The following HMGN1 variants were observed in gnomAD, a reference collection of about 807,000 sequenced individuals.
HMGN1 encodes non-histone chromosomal protein HMG-14.
Under a neutral mutation model 18.4 loss-of-function variants are expected in HMGN1, and 9 were observed. That is an observed-to-expected ratio of 0.49 (90% confidence interval 0.29 to 0.85). The LOEUF (loss-of-function observed/expected upper bound fraction) is 0.85. HMGN1 is among the 40% of genes least tolerant of loss of function. The pLI is 0.07. For synonymous variants in HMGN1, 59 were observed against 45.0 expected (o/e 1.31, Z -1.24); for missense variants, 151 against 119.2 (o/e 1.27, Z -1.24).
At chr21:39,347,453 T>A in intron 4 of HMGN1, 1 of 1,297,202 alleles carries the variant, frequency 7.7e-7, no homozygotes, top group Non-Finnish European at 1.0e-6. Context: ...TTGCCTCTTC[T>A]GATGACTGCA....
intron 5 of HMGN1, among the ~76,000 whole-genome samples, chr21:39,344,256 C>CAAAAAAAAAAAAAA (rs3067491): frequency 1.8e-5 from 2 of 113,502 alleles, no homozygotes; most frequent in Non-Finnish European, 3.5e-5. Flanking sequence ...AATTCCGTCT[C>CAAAAAAAAAAAAAA]AAAAAAAAAA....
At chr21:39,345,659 CACT>C in intron 4 of HMGN1, 1 of 414,436 alleles carries the variant, frequency 2.4e-6, no homozygotes, top group South Asian at 1.9e-5. Context: ...TATATTTCAC[CACT>C]GTCGCCATCA....
chr21:39,348,967 C>T lies in HMGN1; in HGVS notation c.-50G>A. The T allele has an allele frequency of 8.3e-7, 1 of 1,203,626 alleles. No homozygotes were observed. Among genetic ancestry groups the T allele is most frequent in the Non-Finnish European group, 1.0e-6 (1 of 970,468 alleles). 74.6% of individuals were successfully genotyped at this position (1,203,626 alleles called of 1,614,324 possible). A position where few individuals can be genotyped will look rare whatever the true frequency, so the allele number is the denominator to read the frequency against. On this transcript the variant is annotated 5_prime_UTR_variant, in exon 1 of 6. Transcript: ENST00000380749. Reference sequence around the variant, plus strand: ...CGGGTGCCTGCGGGGAAGGCGCGTGCCGGGTGCCTGCGGGCCGCGGCGCGC... The same window carrying T: ...CGGGTGCCTGCGGGGAAGGCGCGTGTCGGGTGCCTGCGGGCCGCGGCGCGC...
intron 4 of HMGN1, chr21:39,347,495 G>C (rs1475407074): frequency 1.6e-6 from 2 of 1,223,976 alleles, no homozygotes; most frequent in Non-Finnish European, 2.2e-6. Context: ...TTTTAGGAAA[G>C]AGGTGAAGGC....
At chr21:39,347,871 AGGCTTCCCGAAGTT>A (rs2037113247) in intron 4 of HMGN1, 1 of 829,618 alleles carries the variant, frequency 1.2e-6, no homozygotes, top group Admixed American at 5.8e-5. Flanking sequence ...AAAAAGGTTA[AGGCTTCCCGAAGTT>A]GGCTTGGAAA....
At chr21:39,345,685 T>G (rs1196345302) in intron 4 of HMGN1, 1 of 502,126 alleles carries the variant, frequency 2.0e-6, no homozygotes, top group Non-Finnish European at 3.6e-6. Flanking sequence ...CACTATTCCC[T>G]ACAGTTCCAC....
Position 39,348,581 on chromosome 21 carries a change from C to G in HMGN1, c.16-4G>C, listed in dbSNP as rs747055042. Reference sequence around the variant, plus strand: ...CGGCGCCTTCGGCGGAGCTGACCTGCGGAGACGGAGACGCACGAATAGAGG... The same window carrying G: ...CGGCGCCTTCGGCGGAGCTGACCTGGGGAGACGGAGACGCACGAATAGAGG... On this transcript the variant is annotated splice_region_variant and splice_polypyrimidine_tract_variant and intron_variant, in intron 1 of 5. Coordinates refer to ENST00000380749, the MANE Select transcript of HMGN1 (RefSeq NM_004965.7). 2 of 1,580,592 alleles carry G rather than the reference C, an allele frequency of 1.3e-6. No homozygotes were observed. The highest frequency in any genetic ancestry group is 1.7e-6 in the Non-Finnish European group (2 of 1,162,858).
In HMGN1 at chr21:39,348,050, A is replaced by G. The variant is rs1349529090; in HGVS notation, c.126+242T>C. The G allele has an allele frequency of 1.2e-5, 12 of 1,031,526 alleles. No homozygotes were observed. In the Admixed American group the frequency reaches 1.9e-4, roughly 16 times the overall value. The allele number at this position is 1,031,526 out of a possible 1,614,324, so 63.9% of individuals were successfully genotyped here. A position where few individuals can be genotyped will look rare whatever the true frequency, so the allele number is the denominator to read the frequency against. ...AGAATAAATTTCCTTTGTAGACTTA[A>G]TATTTAATATTTTTTGTCGTCCTAA... On this transcript the variant is annotated intron_variant, in intron 4 of 5. Transcript: ENST00000380749.
In HMGN1 at chr21:39,346,200, A is replaced by C. The variant is rs577110739; in HGVS notation, c.127-926T>G. On this transcript the variant is annotated intron_variant, in intron 4 of 5. Coordinates refer to ENST00000380749, the MANE Select transcript of HMGN1 (RefSeq NM_004965.7). ...TTACTTGAATTAAAGGGCCATAAAG[A>C]CAAGCAAGTAGAGCTCACAACTTCA... 39 of 350,218 alleles carry C rather than the reference A, an allele frequency of 1.1e-4. 1 individual carries two copies. Among genetic ancestry groups the C allele is most frequent in the African/African-American group, 7.3e-4 (34 of 46,766 alleles). 21.7% of individuals were successfully genotyped at this position (350,218 alleles called of 1,614,324 possible). A position where few individuals can be genotyped will look rare whatever the true frequency, so the allele number is the denominator to read the frequency against.
rs1379240173 is a variant in HMGN1, at chr21:39,347,347, A to C, written c.126+945T>G. 10 of 1,064,678 alleles carry C rather than the reference A, an allele frequency of 9.4e-6. No homozygotes were observed. In the African/African-American group the frequency reaches 1.3e-4, roughly 14 times the overall value. The allele number at this position is 1,064,678 out of a possible 1,614,324, so 66.0% of individuals were successfully genotyped here. ...ACACTCAGCTCTGTAAAAAATTTAA[A>C]TTAAAAAAGAAAAAACATCTTTGTT... is the stretch of plus-strand genomic sequence containing the variant. On this transcript the variant is annotated intron_variant, in intron 4 of 5. Transcript: ENST00000380749.
At chr21:39,348,143 C>A in intron 4 of HMGN1, 149 bp downstream of exon 4, 1 of 1,037,688 alleles carries the variant, frequency 9.6e-7, no homozygotes, top group Admixed American at 2.5e-5. Flanking sequence ...ATATCCATTA[C>A]ATTTTTGCCT....
chr21:39,342,882 C>G lies in HMGN1; in HGVS notation c.*230G>C. The G allele has an allele frequency of 7.1e-7, 1 of 1,412,982 alleles. No individual in the cohort carries two copies. The highest frequency in any genetic ancestry group is 1.4e-5 in the African/African-American group (1 of 69,922). The allele number at this position is 1,412,982 out of a possible 1,614,324, so 87.5% of individuals were successfully genotyped here. ...GTCAGAGCCTCCCATAATTCAATAT[C>G]CCACACTATTTTCTGGTTGTACCAA... is the stretch of plus-strand genomic sequence containing the variant. On this transcript the variant is annotated 3_prime_UTR_variant, in exon 6 of 6. Transcript: ENST00000380749.
intron 5 of HMGN1, 110 bp from the exon 6 acceptor site, chr21:39,343,269 C>T: frequency 9.7e-7 from 1 of 1,035,516 alleles, no homozygotes; most frequent in Non-Finnish European, 1.4e-6. Flanking sequence ...TTTGTAAAGT[C>T]ACCTACCTAC....
At chr21:39,347,330 C>A in intron 4 of HMGN1, 1 of 1,001,996 alleles carries the variant, frequency 1.0e-6, no homozygotes, top group Non-Finnish European at 1.3e-6. Context: ...TTACACTCAG[C>A]TCTGTAAAAA....
At chr21:39,345,903 A>T (rs769271494) in intron 4 of HMGN1, 7 of 1,301,590 alleles carry the variant, frequency 5.4e-6, no homozygotes, top group Non-Finnish European at 7.1e-6. Context: ...TCATATAATG[A>T]GGAACTAAAA....
In HMGN1 at chr21:39,345,138, C is replaced by CACACACACA. The variant is rs10529119; in HGVS notation, c.255+7_255+8insTGTGTGTGT. 2 of 1,568,306 alleles carry CACACACACA rather than the reference C, an allele frequency of 1.3e-6. No individual in the cohort carries two copies. Among genetic ancestry groups the CACACACACA allele is most frequent in the African/African-American group, 1.4e-5 (1 of 72,236 alleles). ...ACACACACACACACACACACACACACTTCTGACCTCCTCAGTCTTCGTTTC... is the reference window on the plus strand; with the variant it reads ...ACACACACACACACACACACACACACACACACACATTCTGACCTCCTCAGTCTTCGTTTC... On this transcript the variant is annotated splice_region_variant and intron_variant, in intron 5 of 5. Coordinates refer to ENST00000380749, the MANE Select transcript of HMGN1 (RefSeq NM_004965.7).
chr21:39,343,137 CCTG>C lies in HMGN1; in HGVS notation c.275_277del (p.Ala92del), dbSNP rs909468777. ...TTAATCAGACTTGGCTTCTTTCTCTCCTGCTTCATCAGAGGCTGGACTCTGCAA... is the reference window on the plus strand; with the variant it reads ...TTAATCAGACTTGGCTTCTTTCTCTCCTTCATCAGAGGCTGGACTCTGCAA... On this transcript the variant is annotated inframe_deletion, in exon 6 of 6. Transcript: ENST00000380749. 6.3e-7 allele frequency: 1 copy of C among 1,597,256 alleles called. No homozygotes were observed. Among genetic ancestry groups the C allele is most frequent in the African/African-American group, 1.3e-5 (1 of 74,190 alleles).
Position 39,348,289 on chromosome 21 carries a change from T to A in HMGN1, c.126+3A>T. The stretch of plus-strand genomic sequence containing the variant: ...GCATCCCAATGCGCGTTTCGAGGCT[T>A]ACCTTCGCTGCTGCCTTTTTCGGCT... On this transcript the variant is annotated splice_donor_region_variant and intron_variant, in intron 4 of 5. Transcript: ENST00000380749. 6.2e-7 allele frequency: 1 copy of A among 1,614,088 alleles called. No individual in the cohort carries two copies. Among genetic ancestry groups the A allele is most frequent in the Non-Finnish European group, 8.5e-7 (1 of 1,179,948 alleles).
chr21:39,344,256 CAAAAAAA>C (rs3067491), intron 5 of HMGN1, among the ~76,000 whole-genome samples: 5 of 113,500 alleles, frequency 4.4e-5, no homozygotes, highest in Non-Finnish European at 3.5e-5. Context: ...AATTCCGTCT[CAAAAAAA>C]AAAAAAAAAA....
Sources: gnomAD v4.1 joint callset for allele counts (sites outside exome capture counted in the v4.1 genomes callset) on GRCh38, gnomAD v4.1.1 for gene constraint, MANE v1.5 for transcripts, NCBI Gene and HGNC (gene_info 2026-07-23, HGNC 2026-07-21) for gene names.